The following RFX3 variants were observed in gnomAD, a reference collection of about 807,000 sequenced individuals.
RFX3 encodes regulatory factor X3, also known as transcription factor RFX3.
RFX3 carries 14 observed loss-of-function variants against 98.6 expected under a neutral mutation model. The ratio of observed to expected loss-of-function variants is 0.14; its 90% CI spans 0.09 to 0.22. RFX3 has a LOEUF of 0.22. Ranked by LOEUF, RFX3 falls within the 10% of genes least tolerant of loss-of-function variation. The probability of loss-of-function intolerance (pLI) is 1.00; values close to 1 mark genes in which losing one functional copy is unlikely to be tolerated. For missense variants in RFX3, 639 were observed against 926.9 expected, an observed-to-expected ratio of 0.69 and a Z score of 4.03; for synonymous variants, 383 against 328.4, an observed-to-expected ratio of 1.17 and a Z score of -1.80.
At chr9:3,356,463 C>G (rs909969406) in intron 2 of RFX3, among the ~76,000 whole-genome samples, 1 of 151,754 alleles carries the variant, frequency 6.6e-6, no homozygotes, top group Non-Finnish European at 1.5e-5. Context: ...ACACCCAATC[C>G]CAAATCATAT....
At chr9:3,335,646 C>G (rs1178108122) in intron 3 of RFX3, among the ~76,000 whole-genome samples, 2 of 152,190 alleles carry the variant, frequency 1.3e-5, no homozygotes, top group African/African-American at 4.8e-5. Flanking sequence ...TTACCATAGA[C>G]TAAGTCATGA....
At chr9:3,433,025 T>C (rs1459645273) in intron 1 of RFX3, among the ~76,000 whole-genome samples, 2 of 152,064 alleles carry the variant, frequency 1.3e-5, no homozygotes, top group African/African-American at 4.8e-5. Context: ...AATCAATATA[T>C]ACAAAATCAC....
At chr9:3,456,864 A>T (rs1489019565) in intron 1 of RFX3, among the ~76,000 whole-genome samples, 1 of 152,132 alleles carries the variant, frequency 6.6e-6, no homozygotes, top group African/African-American at 2.4e-5. Context: ...GAATTGTCCC[A>T]AGGGCCAGGC....
At chr9:3,504,242 T>C (rs1371987943) in intron 1 of RFX3, among the ~76,000 whole-genome samples, 1 of 133,148 alleles carries the variant, frequency 7.5e-6, no homozygotes, top group South Asian at 2.2e-4. Flanking sequence ...ATATATTATA[T>C]ATATATTTTA....
At chr9:3,348,851 A>AT (rs1363400816) in intron 2 of RFX3, among the ~76,000 whole-genome samples, 1 of 152,066 alleles carries the variant, frequency 6.6e-6, no homozygotes, top group African/African-American at 2.4e-5. Flanking sequence ...TAACCCCACC[A>AT]TCTTTCTTAA....
At chr9:3,393,952 C>T (rs970655031) in intron 2 of RFX3, among the ~76,000 whole-genome samples, 1 of 151,980 alleles carries the variant, frequency 6.6e-6, no homozygotes, top group Admixed American at 6.6e-5. Flanking sequence ...ATAAAGCAAA[C>T]CTGCATATGT....
At chr9:3,235,604 T>C (rs1460516970) in intron 15 of RFX3, among the ~76,000 whole-genome samples, 2 of 152,176 alleles carry the variant, frequency 1.3e-5, no homozygotes, top group Admixed American at 1.3e-4. Context: ...CTGAAGTGTC[T>C]AGAAAAGAAT....
chr9:3,255,590 A>G (rs1368752771), intron 14 of RFX3, among the ~76,000 whole-genome samples: 2 of 152,248 alleles, frequency 1.3e-5, no homozygotes, highest in African/African-American at 4.8e-5. Flanking sequence ...AACTCTCACC[A>G]TAAGAACAAA....
chr9:3,485,411 G>C (rs946841105), intron 1 of RFX3, among the ~76,000 whole-genome samples: 3 of 152,150 alleles, frequency 2.0e-5, no homozygotes, highest in Non-Finnish European at 4.4e-5. Flanking sequence ...TGTTACATAA[G>C]AATATTGAAT....
chr9:3,521,418 C>A (rs1047393690), intron 1 of RFX3, among the ~76,000 whole-genome samples: 3 of 152,010 alleles, frequency 2.0e-5, no homozygotes, highest in Non-Finnish European at 4.4e-5. Context: ...TGCTTCAATG[C>A]ATATATAATT....
At chr9:3,232,479 C>G (rs1818599872) in intron 15 of RFX3, among the ~76,000 whole-genome samples, 1 of 152,184 alleles carries the variant, frequency 6.6e-6, no homozygotes, top group Non-Finnish European at 1.5e-5. Flanking sequence ...TAATATATGT[C>G]TTCCCAACCA....
Position 3,361,661 on chromosome 9 carries a change from GAAAAAAAA to G in RFX3, c.118-14905_118-14898del, listed in dbSNP as rs71324242. 2.9e-3 allele frequency among the ~76,000 whole-genome samples: 254 copies of G among 87,800 alleles called. 3 individuals are homozygous for G. The highest frequency in any genetic ancestry group is 8.7e-3 in the African/African-American group (233 of 26,916). The allele number at this position is 87,800 out of a possible 152,430, so 57.6% of individuals were successfully genotyped here. A position where few individuals can be genotyped will look rare whatever the true frequency, so the allele number is the denominator to read the frequency against. On this transcript the variant is annotated intron_variant, in intron 2 of 16. Transcript: ENST00000617270. ...ACATAGTGAGACCTTGTTTCTTTAG[GAAAAAAAA>G]AAAAAAAAAAAAAGTAAAATAAATT...
chr9:3,513,580 C>T (rs976021560), intron 1 of RFX3, among the ~76,000 whole-genome samples: 9 of 152,136 alleles, frequency 5.9e-5, no homozygotes, highest in South Asian at 2.1e-4. Context: ...ATTAACAAAA[C>T]ACATTTTAAT....
At chr9:3,366,706 C>T (rs1046672926) in intron 2 of RFX3, among the ~76,000 whole-genome samples, 15 of 88,792 alleles carry the variant, frequency 1.7e-4, no homozygotes, top group African/African-American at 6.1e-4. Context: ...TTCTTTCTTT[C>T]TTTCTTTCTT....
intron 1 of RFX3, among the ~76,000 whole-genome samples, chr9:3,470,745 TTGA>T (rs543606902): frequency 1.7e-4 from 26 of 152,316 alleles, no homozygotes; most frequent in Middle Eastern, 3.4e-3. Flanking sequence ...TCCTTTACAA[TTGA>T]TGATGCTGGT....
At chr9:3,300,232 A>T (rs1026592144) in intron 5 of RFX3, among the ~76,000 whole-genome samples, 1 of 151,810 alleles carries the variant, frequency 6.6e-6, no homozygotes, top group Non-Finnish European at 1.5e-5. Context: ...ATTTTCAGAA[A>T]TGAAAAAACT....
At position 3,330,432 on chromosome 9, in the gene RFX3, C is replaced by T. The variant is rs369707821; in HGVS notation, c.301G>A (p.Ala101Thr). 22 of 1,613,848 alleles carry T rather than the reference C, an allele frequency of 1.4e-5. No individual in the cohort carries two copies. Among genetic ancestry groups the T allele is most frequent in the East Asian group, 4.5e-5 (2 of 44,864 alleles). Residue 101 changes from alanine to threonine, a missense_variant, in exon 4 of 17, where the codon GCC becomes ACC. Coordinates refer to ENST00000617270, the MANE Select transcript of RFX3 (RefSeq NM_001282116.2). Reference sequence around the variant, plus strand: ...GATGAGACCACGGTAGTCACCTGGGCGGAACTCCCTTGAGTATCAAAGTAA... The same window carrying T: ...GATGAGACCACGGTAGTCACCTGGGTGGAACTCCCTTGAGTATCAAAGTAA... The part of the protein sequence containing the change: ...GNYFDTQGSS[A>T]QVTTVVSSHS...
chr9:3,270,090 G>GAAAGAAAGAAAGAAAT (rs1824202335), intron 11 of RFX3, among the ~76,000 whole-genome samples: 4 of 12,040 alleles, frequency 3.3e-4, no homozygotes, highest in Non-Finnish European at 2.9e-3. Context: ...AGGAAAGAAA[G>GAAAGAAAGAAAGAAAT]AAAGAAAGAA....
intron 2 of RFX3, among the ~76,000 whole-genome samples, chr9:3,382,399 T>TA (rs1839290426): frequency 2.0e-5 from 3 of 152,154 alleles, no homozygotes; most frequent in African/African-American, 7.2e-5. Flanking sequence ...TTAACTTTTT[T>TA]AAAAAAATAC....
Sources: gnomAD v4.1 joint callset for allele counts (sites outside exome capture counted in the v4.1 genomes callset) on GRCh38, gnomAD v4.1.1 for gene constraint, MANE v1.5 for transcripts, NCBI Gene and HGNC (gene_info 2026-07-23, HGNC 2026-07-21) for gene names.